The following CD47 variants were observed in gnomAD, a reference collection of about 807,000 sequenced individuals.
CD47 encodes CD47 molecule.
CD47 carries 11 observed loss-of-function variants against 44.6 expected under a neutral mutation model. The observed-to-expected ratio is 0.25, with a 90% confidence interval of 0.16 to 0.41. The LOEUF is 0.41. Among genes scored for constraint, CD47 ranks in the 10% least tolerant of loss-of-function variants. The pLI, the probability that CD47 is intolerant of heterozygous loss-of-function variation, is 1.00. For synonymous variants in CD47, 140 were observed against 136.3 expected (o/e 1.03, Z -0.19); for missense variants, 306 against 386.7 (o/e 0.79, Z 1.75).
intron 1 of CD47, among the ~76,000 whole-genome samples, chr3:108,082,784 A>G (rs1166467387): frequency 1.3e-5 from 2 of 152,042 alleles, no homozygotes; most frequent in African/African-American, 2.4e-5. Flanking sequence ...ATTATTTGTT[A>G]CAATAAAAAC....
intron 2 of CD47, among the ~76,000 whole-genome samples, chr3:108,073,437 G>C (rs2079247827): frequency 6.6e-6 from 1 of 152,170 alleles, no homozygotes; most frequent in Non-Finnish European, 1.5e-5. Context: ...AGAGGACCCT[G>C]AGTGTGCAGA....
rs563667442 is a variant in CD47 at position 108,047,075 on chromosome 3, A to G, written c.*213T>C. 1.2e-4 allele frequency: 54 copies of G among 435,130 alleles called. No individual in the cohort carries two copies. Among genetic ancestry groups the G allele is most frequent in the Non-Finnish European group, 2.1e-4 (52 of 245,260 alleles). 27.0% of individuals were successfully genotyped at this position (435,130 alleles called of 1,614,324 possible). On this transcript the variant is annotated 3_prime_UTR_variant, in exon 11 of 11. Coordinates refer to ENST00000361309, the MANE Select transcript of CD47 (RefSeq NM_001777.4). The stretch of plus-strand genomic sequence containing the variant: ...AAAACTGGATCTCAATTGGGCAAAC[A>G]ACATAGATCATAATTATTTTATTAA...
intron 3 of CD47, among the ~76,000 whole-genome samples, chr3:108,063,996 ATAAT>A (rs2079062752): frequency 6.6e-6 from 1 of 152,260 alleles, no homozygotes. Context: ...GTTCTATAAA[ATAAT>A]TAGTAACCAA....
intron 2 of CD47, 30 bp downstream of exon 2, chr3:108,079,961 T>G: frequency 6.7e-7 from 1 of 1,495,510 alleles, no homozygotes. Context: ...CCAGGACAAA[T>G]AAAAAAAGAA....
At position 108,080,190 on chromosome 3, in the gene CD47, G is replaced by A. The variant is rs1383513316; in HGVS notation, c.201C>T (p.Thr67=). 1 of 1,613,010 alleles carries A rather than the reference G, an allele frequency of 6.2e-7. No individual in the cohort carries two copies. The highest frequency in any genetic ancestry group is 1.1e-5 in the South Asian group (1 of 91,042). ...TGGACTTGTTTAGAGCTCCATCAAA[G>A]GTGTAAATATCTCTTCCTTTAAATT... ...KWKFKGRDIY[T]FDGALNKSTV... Residue 67 remains threonine (T), a synonymous_variant, in exon 2 of 11, where the codon ACC becomes ACT. Coordinates refer to ENST00000361309, the MANE Select transcript of CD47 (RefSeq NM_001777.4).
Position 108,073,972 on chromosome 3 carries a change from G to T in CD47, c.401-2790C>A, listed in dbSNP as rs756671429. On this transcript the variant is annotated intron_variant, in intron 2 of 10. Coordinates refer to ENST00000361309, the MANE Select transcript of CD47 (RefSeq NM_001777.4). ...ACCATGAGCAATGGCTAAAAGAACA[G>T]AGATTTTCATCACAGAGAGGTATAA... 7.9e-4 allele frequency among the ~76,000 whole-genome samples: 120 copies of T among 152,176 alleles called. 2 individuals are homozygous for T. The highest frequency in any genetic ancestry group is 1.3e-3 in the Non-Finnish European group (87 of 68,018).
intron 7 of CD47, among the ~76,000 whole-genome samples, chr3:108,056,601 T>C (rs1460844211): frequency 1.3e-5 from 2 of 152,150 alleles, no homozygotes; most frequent in Non-Finnish European, 2.9e-5. Flanking sequence ...CTTTTGATTA[T>C]TTTGATAGGT....
At chr3:108,079,922 GCCT>G in intron 2 of CD47, 66 bp downstream of exon 2, 1 of 951,288 alleles carries the variant, frequency 1.1e-6, no homozygotes, top group East Asian at 2.4e-5. Flanking sequence ...TCCCCATTTG[GCCT>G]CCTCTCGAAA....
intron 7 of CD47, chr3:108,055,663 G>T: frequency 1.6e-6 from 1 of 621,090 alleles, no homozygotes; most frequent in Non-Finnish European, 2.7e-6. Context: ...TAAACATATA[G>T]CATAAATTTT....
At chr3:108,065,356 G>A (rs948783598) in intron 3 of CD47, among the ~76,000 whole-genome samples, 4 of 152,064 alleles carry the variant, frequency 2.6e-5, no homozygotes, top group African/African-American at 9.7e-5. Flanking sequence ...ATTTGGAAAG[G>A]GTCAAGGGAT....
chr3:108,060,310 T>A (rs915247443), intron 4 of CD47, among the ~76,000 whole-genome samples: 1 of 152,180 alleles, frequency 6.6e-6, no homozygotes, highest in Non-Finnish European at 1.5e-5. Context: ...AAGGAGGAGC[T>A]TACCCTGGAT....
At chr3:108,059,379 G>A (rs1036609850) in intron 5 of CD47, 73 bp downstream of exon 5, 35 of 678,510 alleles carry the variant, frequency 5.2e-5, no homozygotes, top group Non-Finnish European at 8.6e-5. Flanking sequence ...ATTTATATGA[G>A]CATTTTCACC....
chr3:108,079,958 A>G, intron 2 of CD47, 33 bp downstream of exon 2: 1 of 1,471,378 alleles, frequency 6.8e-7, no homozygotes, highest in Non-Finnish European at 9.4e-7. Flanking sequence ...GCACCAGGAC[A>G]AATAAAAAAA....
rs1198134328 is a variant in CD47, at chr3:108,045,696, A to C, written c.*1592T>G. 3 of 152,696 alleles carry C rather than the reference A, an allele frequency of 2.0e-5. No individual in the cohort carries two copies. In the East Asian group the frequency reaches 5.8e-4, roughly 29 times the overall value. 9.5% of individuals were successfully genotyped at this position (152,696 alleles called of 1,614,324 possible). Reference sequence around the variant, plus strand: ...TATGACAATCAATTTGGCATAAAAGAGGCACACGGGAACATCTGATGGACT... The same window carrying C: ...TATGACAATCAATTTGGCATAAAAGCGGCACACGGGAACATCTGATGGACT... On this transcript the variant is annotated 3_prime_UTR_variant, in exon 11 of 11. Transcript: ENST00000361309.
chr3:108,050,819 T>C, intron 8 of CD47: 1 of 505,550 alleles, frequency 2.0e-6, no homozygotes, highest in South Asian at 1.7e-5. Context: ...TATTATTCTC[T>C]TAATATTATT....
chr3:108,088,243 T>C (rs1000451169), intron 1 of CD47, among the ~76,000 whole-genome samples: 1 of 152,210 alleles, frequency 6.6e-6, no homozygotes, highest in Non-Finnish European at 1.5e-5. Flanking sequence ...TTTGCGAATA[T>C]GCGTGATTAT....
intron 1 of CD47, among the ~76,000 whole-genome samples, chr3:108,081,283 G>T: frequency 6.6e-6 from 1 of 151,944 alleles, no homozygotes; most frequent in African/African-American, 2.4e-5. Context: ...GAATGTGTAG[G>T]AATTGTAGTT....
intron 2 of CD47, among the ~76,000 whole-genome samples, chr3:108,077,168 T>C (rs935418628): frequency 5.3e-5 from 8 of 152,168 alleles, no homozygotes; most frequent in African/African-American, 1.9e-4. Context: ...TTGAGCAAAT[T>C]CTGTTTCTCA....
chr3:108,070,085 TA>T (rs1285169051), intron 3 of CD47, among the ~76,000 whole-genome samples: 1 of 152,152 alleles, frequency 6.6e-6, no homozygotes, highest in Middle Eastern at 3.2e-3. Flanking sequence ...GAAAAGCGCT[TA>T]AAACATATAA....
Sources: gnomAD v4.1 joint callset for allele counts (sites outside exome capture counted in the v4.1 genomes callset) on GRCh38, gnomAD v4.1.1 for gene constraint, MANE v1.5 for transcripts, NCBI Gene and HGNC (gene_info 2026-07-23, HGNC 2026-07-21) for gene names.